Variants in POPDC1 observed in about 807,000 individuals in gnomAD.
POPDC1 encodes the protein popeye domain-containing protein 1.
the POPDC1 span, among the ~76,000 whole-genome samples, chr6:105,108,547 C>A: frequency 6.6e-6 from 1 of 152,136 alleles, no homozygotes; most frequent in Non-Finnish European, 1.5e-5. Flanking sequence ...GCCTGAAGAT[C>A]CCAGGGATAT....
chr6:105,119,410 G>A, the POPDC1 span, among the ~76,000 whole-genome samples: 1 of 152,180 alleles, frequency 6.6e-6, no homozygotes, highest in East Asian at 1.9e-4. Flanking sequence ...CATTCTAGTG[G>A]AGGAGGCTGC....
At chr6:105,110,071 C>T in the POPDC1 span, among the ~76,000 whole-genome samples, 26 of 152,162 alleles carry the variant, frequency 1.7e-4, 1 homozygote, top group South Asian at 2.9e-3. Flanking sequence ...CCTCCTGGGG[C>T]GAGGAGCAGG....
chr6:105,128,385 A>G, the POPDC1 span, among the ~76,000 whole-genome samples: 1 of 152,200 alleles, frequency 6.6e-6, no homozygotes, highest in Non-Finnish European at 1.5e-5. Flanking sequence ...CTGCCATGAG[A>G]ATGCATGGTC....
At chr6:105,135,838 ATCGTTAAG>A in the POPDC1 span, among the ~76,000 whole-genome samples, 1 of 152,256 alleles carries the variant, frequency 6.6e-6, no homozygotes, top group African/African-American at 2.4e-5. Flanking sequence ...TTACCACTTA[ATCGTTAAG>A]TGGCTTACAC....
the POPDC1 span, among the ~76,000 whole-genome samples, chr6:105,111,552 C>T: frequency 6.6e-6 from 1 of 152,294 alleles, no homozygotes; most frequent in Admixed American, 6.5e-5. Flanking sequence ...AAACATGAAA[C>T]CCAGTAAATG....
chr6:105,113,831 T>TTTG, the POPDC1 span, among the ~76,000 whole-genome samples: 1 of 146,904 alleles, frequency 6.8e-6, no homozygotes, highest in African/African-American at 2.5e-5. Context: ...TTTTTTTTTT[T>TTTG]ATAGAGACAA....
the POPDC1 span, chr6:105,100,987 T>C: frequency 7.3e-7 from 1 of 1,369,924 alleles, no homozygotes; most frequent in Admixed American, 2.4e-5. Flanking sequence ...CCAGTCTGGA[T>C]GCACTAAAGC....
the POPDC1 span, among the ~76,000 whole-genome samples, chr6:105,129,829 T>C: frequency 6.6e-6 from 1 of 152,190 alleles, no homozygotes. Context: ...TCAGAATGTC[T>C]TGCAATTTAA....
chr6:105,122,565 C>T, the POPDC1 span, among the ~76,000 whole-genome samples: 1 of 152,136 alleles, frequency 6.6e-6, no homozygotes, highest in African/African-American at 2.4e-5. Context: ...GTTCAATTCC[C>T]ACCCCATCCT....
chr6:105,118,931 C>T, the POPDC1 span, among the ~76,000 whole-genome samples: 2 of 152,104 alleles, frequency 1.3e-5, no homozygotes, highest in Non-Finnish European at 2.9e-5. Context: ...TGCCTACAGT[C>T]CCAGCTACTT....
chr6:105,108,108 T>C, the POPDC1 span, among the ~76,000 whole-genome samples: 4 of 152,228 alleles, frequency 2.6e-5, no homozygotes, highest in African/African-American at 9.6e-5. Context: ...GGATGGACCA[T>C]CAGGGCCGTG....
chr6:105,132,129 C>A, the POPDC1 span, among the ~76,000 whole-genome samples: 1 of 152,128 alleles, frequency 6.6e-6, no homozygotes, highest in Non-Finnish European at 1.5e-5. Flanking sequence ...CCATGCCTGG[C>A]TAATTTTTGT....
the POPDC1 span, chr6:105,098,917 T>G: frequency 6.6e-6 from 1 of 152,360 alleles, no homozygotes; most frequent in African/African-American, 2.4e-5. Flanking sequence ...CAGGCTGGAG[T>G]GCAGTGGTGT....
chr6:105,115,816 C>G, the POPDC1 span: 1 of 1,613,240 alleles, frequency 6.2e-7, no homozygotes, highest in Non-Finnish European at 8.5e-7. Context: ...GATGTTCCAG[C>G]TTTTTGGCTT....
At chr6:105,121,271 T>C in the POPDC1 span, among the ~76,000 whole-genome samples, 4 of 148,062 alleles carry the variant, frequency 2.7e-5, no homozygotes, top group African/African-American at 7.8e-5. Context: ...CTTTTATCTT[T>C]TTTTTTTTTT....
At chr6:105,121,943 G>A in the POPDC1 span, among the ~76,000 whole-genome samples, 27 of 152,190 alleles carry the variant, frequency 1.8e-4, no homozygotes, top group Admixed American at 2.6e-4. Context: ...AGCTTAGCAG[G>A]TAAAAAGTGT....
the POPDC1 span, among the ~76,000 whole-genome samples, chr6:105,135,501 G>A: frequency 2.6e-5 from 4 of 152,028 alleles, no homozygotes; most frequent in African/African-American, 4.8e-5. Context: ...GTTGCCCCTC[G>A]AGTTCACCCA....
At chr6:105,117,326 A>G in the POPDC1 span, among the ~76,000 whole-genome samples, 1 of 151,962 alleles carries the variant, frequency 6.6e-6, no homozygotes, top group Non-Finnish European at 1.5e-5. Flanking sequence ...GCAAATATAC[A>G]CTAAAGACTG....
the POPDC1 span, chr6:105,125,585 T>A: frequency 6.2e-7 from 1 of 1,613,604 alleles, no homozygotes. Flanking sequence ...TTACCTGAAA[T>A]GCAGCAATGA....
Sources: allele counts gnomAD v4.1 joint callset (sites outside exome capture counted in the v4.1 genomes callset), GRCh38; gene constraint gnomAD v4.1.1; transcripts MANE v1.5; gene names NCBI Gene and HGNC (gene_info 2026-07-23, HGNC 2026-07-21).